The following ATG7 variants were observed in gnomAD, a reference collection of about 807,000 sequenced individuals.
ATG7 encodes ubiquitin-like modifier-activating enzyme ATG7.
In ATG7, 70 loss-of-function variants were observed where a neutral mutation model predicts 82.4. That is an observed-to-expected ratio of 0.85 (90% confidence interval 0.70 to 1.04). The LOEUF (loss-of-function observed/expected upper bound fraction) is 1.04. Among genes scored for constraint, ATG7 ranks in the 50% least tolerant of loss-of-function variants. ATG7 has a pLI of 0.00. For missense variants in ATG7, 792 were observed against 864.3 expected, an observed-to-expected ratio of 0.92 and a Z score of 1.05; for synonymous variants, 287 against 313.0, an observed-to-expected ratio of 0.92 and a Z score of 0.88.
chr3:11,518,675 T>C (rs140795876), intron 20 of ATG7, among the ~76,000 whole-genome samples: 11 of 152,216 alleles, frequency 7.2e-5, no homozygotes, highest in Non-Finnish European at 1.5e-4. Context: ...TGGGAGTTGC[T>C]GGATTCTAGA....
the ATG7 span, among the ~76,000 whole-genome samples, chr3:11,573,926 C>T: frequency 1.3e-5 from 2 of 152,158 alleles, no homozygotes; most frequent in African/African-American, 4.8e-5. Context: ...TATTAGAAAA[C>T]ACTGGAAATC....
At chr3:11,525,643 C>G (rs563926187) in intron 20 of ATG7, among the ~76,000 whole-genome samples, 1 of 151,208 alleles carries the variant, frequency 6.6e-6, no homozygotes, top group Admixed American at 6.6e-5. Flanking sequence ...TAAGCTCTGC[C>G]TCCTGGGTTC....
At chr3:11,571,663 T>C in the ATG7 span, among the ~76,000 whole-genome samples, 1 of 152,130 alleles carries the variant, frequency 6.6e-6, no homozygotes, top group East Asian at 1.9e-4. Flanking sequence ...TAAGACCCTG[T>C]CTCAGGAAAT....
chr3:11,367,895 A>C (rs9857186), intron 18 of ATG7, among the ~76,000 whole-genome samples: 1,555 of 152,170 alleles, frequency 0.01, 25 homozygotes, highest in African/African-American at 0.035. Flanking sequence ...TGTGGAATAG[A>C]GATTATCACA....
At chr3:11,531,740 C>T (rs74696458) in intron 20 of ATG7, among the ~76,000 whole-genome samples, 6 of 151,854 alleles carry the variant, frequency 4.0e-5, no homozygotes, top group East Asian at 1.9e-4. Flanking sequence ...GGCACATGTC[C>T]GTAGTCCCAG....
chr3:11,576,334 T>G, the ATG7 span, among the ~76,000 whole-genome samples: 1 of 152,248 alleles, frequency 6.6e-6, no homozygotes, highest in Admixed American at 6.5e-5. Flanking sequence ...TTAATAAAAT[T>G]GAAAAGAATT....
intron 19 of ATG7, among the ~76,000 whole-genome samples, chr3:11,389,677 A>G (rs1390577447): frequency 6.6e-6 from 1 of 152,182 alleles, no homozygotes; most frequent in Non-Finnish European, 1.5e-5. Flanking sequence ...TTGACAGTAC[A>G]CAAGGGTGTA....
chr3:11,469,962 C>T (rs1414334631), intron 20 of ATG7, among the ~76,000 whole-genome samples: 1 of 124,858 alleles, frequency 8.0e-6, no homozygotes, highest in Non-Finnish European at 1.6e-5. Flanking sequence ...GCTCTCCAGC[C>T]TGGGTGACGG....
intron 9 of ATG7, among the ~76,000 whole-genome samples, chr3:11,325,205 A>T (rs919949974): frequency 2.6e-5 from 4 of 152,172 alleles, no homozygotes; most frequent in Non-Finnish European, 5.9e-5. Flanking sequence ...TTGCCTAACG[A>T]TGCATTTTTC....
intron 14 of ATG7, among the ~76,000 whole-genome samples, chr3:11,356,329 T>G (rs2075932173): frequency 6.6e-6 from 1 of 152,238 alleles, no homozygotes; most frequent in Non-Finnish European, 1.5e-5. Flanking sequence ...CACCTTTGAA[T>G]CATCAGGGGA....
intron 20 of ATG7, among the ~76,000 whole-genome samples, chr3:11,539,050 C>G (rs1179205484): frequency 5.3e-5 from 8 of 151,956 alleles, no homozygotes; most frequent in Non-Finnish European, 1.0e-4. Flanking sequence ...GTCGATTACC[C>G]ACAGCTTCCA....
Position 11,506,587 on chromosome 3 carries a change from C to CAAAAAAAAA in ATG7, c.2080-48219_2080-48218insAAAAAAAAA, listed in dbSNP as rs1275955326. On this transcript the variant is annotated intron_variant, in intron 20 of 20. Transcript: ENST00000693202. ...AAAAAAAAAAAAAAAAAAAAAAACCCAAAAATTAGCTGGGAGTGGTGGCAG... is the reference window on the plus strand; with the variant it reads ...AAAAAAAAAAAAAAAAAAAAAAACCCAAAAAAAAAAAAAATTAGCTGGGAGTGGTGGCAG... Among the ~76,000 whole-genome samples the CAAAAAAAAA allele has an allele frequency of 2.3e-4, 27 of 119,534 alleles. 1 individual carries two copies. The highest frequency in any genetic ancestry group is 5.9e-4 in the South Asian group (2 of 3,418). The allele number at this position is 119,534 out of a possible 152,430, so 78.4% of individuals were successfully genotyped here.
intron 20 of ATG7, among the ~76,000 whole-genome samples, chr3:11,513,749 G>A (rs1271264401): frequency 6.6e-6 from 1 of 152,086 alleles, no homozygotes; most frequent in African/African-American, 2.4e-5. Context: ...AGCCCAGGCA[G>A]AGGAGGCGCT....
intron 13 of ATG7, among the ~76,000 whole-genome samples, chr3:11,344,612 A>G (rs1488423435): frequency 6.6e-6 from 1 of 152,200 alleles, no homozygotes; most frequent in Non-Finnish European, 1.5e-5. Context: ...CACACCTGCA[A>G]TCCCAGCAGT....
At chr3:11,394,918 T>A (rs1384010235) in intron 19 of ATG7, among the ~76,000 whole-genome samples, 3 of 151,932 alleles carry the variant, frequency 2.0e-5, no homozygotes. Flanking sequence ...GTACCATAAG[T>A]GAGAGTTGGC....
chr3:11,471,882 C>T (rs1044822493), intron 20 of ATG7, among the ~76,000 whole-genome samples: 5 of 149,952 alleles, frequency 3.3e-5, no homozygotes, highest in East Asian at 4.0e-4. Context: ...GGATTATAGG[C>T]GTGTGTCACC....
chr3:11,421,883 A>T (rs553599094), intron 19 of ATG7, among the ~76,000 whole-genome samples: 1 of 152,220 alleles, frequency 6.6e-6, no homozygotes, highest in Non-Finnish European at 1.5e-5. Flanking sequence ...CTCTTTGTAC[A>T]TCTCCATCAG....
intron 19 of ATG7, among the ~76,000 whole-genome samples, chr3:11,417,301 G>A (rs1385035527): frequency 1.3e-5 from 2 of 152,116 alleles, no homozygotes; most frequent in Non-Finnish European, 1.5e-5. Flanking sequence ...AAGTAGATTC[G>A]TCTATTTCTT....
chr3:11,380,419 G>A (rs1280171238), intron 19 of ATG7, among the ~76,000 whole-genome samples: 3 of 152,140 alleles, frequency 2.0e-5, no homozygotes, highest in African/African-American at 7.2e-5. Flanking sequence ...AGGGTGAGGC[G>A]GCCCTGGCTA....
Sources: gnomAD v4.1 joint callset for allele counts (sites outside exome capture counted in the v4.1 genomes callset) on GRCh38, gnomAD v4.1.1 for gene constraint, MANE v1.5 for transcripts, NCBI Gene and HGNC (gene_info 2026-07-23, HGNC 2026-07-21) for gene names.